ASH1L: variants seen among roughly 807,000 people sequenced by gnomAD.
The protein encoded by ASH1L is histone-lysine N-methyltransferase ASH1L.
A neutral mutation model predicts 269.0 loss-of-function variants in ASH1L; 23 were observed. That is an observed-to-expected ratio of 0.09 (90% CI 0.06 to 0.12). ASH1L has a LOEUF of 0.12. Among genes scored for constraint, ASH1L ranks in the 10% least tolerant of loss-of-function variants. ASH1L has a pLI of 1.00. For synonymous variants in ASH1L, 1,187 were observed against 1,253.5 expected (o/e 0.95, Z 1.12); for missense variants, 2,912 against 3,567.8 (o/e 0.82, Z 4.68).
intron 6 of ASH1L, among the ~76,000 whole-genome samples, chr1:155,402,479 T>C (rs1004271279): frequency 6.6e-5 from 10 of 152,222 alleles, no homozygotes; most frequent in African/African-American, 1.9e-4. Flanking sequence ...GGACATGTTA[T>C]TCTAGAGCTA....
intron 6 of ASH1L, among the ~76,000 whole-genome samples, chr1:155,403,955 C>T (rs1659057145): frequency 6.7e-6 from 1 of 150,180 alleles, no homozygotes; most frequent in Admixed American, 6.7e-5. Flanking sequence ...ACTCGGGAGG[C>T]TGAGGCAGGA....
rs1177221105 is a variant in ASH1L at position 155,343,794 on chromosome 1, C to A, written c.7982-52G>T. 3.1e-6 allele frequency: 5 copies of A among 1,597,674 alleles called. No individual in the cohort carries two copies. Among genetic ancestry groups the A allele is most frequent in the African/African-American group, 1.3e-5 (1 of 74,320 alleles). On this transcript the variant is annotated intron_variant, in intron 22 of 27. Coordinates refer to ENST00000392403, the MANE Select transcript of ASH1L (RefSeq NM_018489.3). The surrounding 1 kb of genome is among the most constrained non-coding windows in gnomAD (Gnocchi z 6.1). ...ACATAAAACAATTCTTGTATGAATT[C>A]TGTTAGGCATCTGTTTATCTGACTC...
chr1:155,374,076 C>G (rs1445969792), intron 10 of ASH1L, among the ~76,000 whole-genome samples: 1 of 152,158 alleles, frequency 6.6e-6, no homozygotes, highest in Non-Finnish European at 1.5e-5. Context: ...TGCCTGTAAT[C>G]CCAGCACTTT....
At chr1:155,384,618 G>A (rs1424901255) in intron 7 of ASH1L, among the ~76,000 whole-genome samples, 1 of 152,008 alleles carries the variant, frequency 6.6e-6, no homozygotes, top group Non-Finnish European at 1.5e-5. Context: ...GCTCAGGGTG[G>A]TCTCAAACTT....
rs1668891975 is a variant in ASH1L at position 155,521,582 on chromosome 1, A to G, written c.-63T>C. 1.4e-6 allele frequency: 2 copies of G among 1,472,914 alleles called. No homozygotes were observed. The highest frequency in any genetic ancestry group is 2.3e-5 in the East Asian group (1 of 44,050). 91.2% of individuals were successfully genotyped at this position (1,472,914 alleles called of 1,614,324 possible). On this transcript the variant is annotated 5_prime_UTR_variant, in exon 2 of 28. Transcript: ENST00000392403. The stretch of plus-strand genomic sequence containing the variant: ...TTTTACAGAACTGTGTTCCATAAAA[A>G]ACAAGGATCTCCAAAACTCGAAACC...
intron 2 of ASH1L, among the ~76,000 whole-genome samples, chr1:155,512,644 G>A (rs1668237707): frequency 6.6e-6 from 1 of 151,284 alleles, no homozygotes; most frequent in South Asian, 2.1e-4. Flanking sequence ...TAGAGATGGG[G>A]TTTCACCATA....
At position 155,481,798 on chromosome 1, in the gene ASH1L, T is replaced by C. The variant is rs948136035; in HGVS notation, c.1072A>G (p.Lys358Glu). The C allele has an allele frequency of 6.2e-7, 1 of 1,614,218 alleles. No individual in the cohort carries two copies. ...PGLVHKESGK[K>E]LGLGTVVGLV... ...CCAACCACAGTGCCAAGTCCTAACT[T>C]CTTGCCAGACTCTTTATGCACTAAA... is the stretch of plus-strand genomic sequence containing the variant. Residue 358 changes from lysine (K) to glutamate (E), a missense_variant, in exon 3 of 28, where the codon AAG (lysine) becomes GAG (glutamate). Lys to Glu is a moderately conservative substitution (Grantham distance 56, BLOSUM62 1). Transcript: ENST00000392403.
chr1:155,398,591 T>G (rs139606486), intron 6 of ASH1L, among the ~76,000 whole-genome samples: 1 of 152,236 alleles, frequency 6.6e-6, no homozygotes, highest in Non-Finnish European at 1.5e-5. Flanking sequence ...GGTGAGTCAG[T>G]GAGTGTGTGG....
At position 155,519,218 on chromosome 1, in the gene ASH1L, T is replaced by C. The variant is rs1396604920; in HGVS notation, c.420+1882A>G. On this transcript the variant is annotated intron_variant, in intron 2 of 27. Transcript: ENST00000392403. ...GGGAAGCAGAGGTGGGCGGATCACC[T>C]GAGGACAGGAGTTTGAGACCAGCCT... 2.6e-5 allele frequency among the ~76,000 whole-genome samples: 4 copies of C among 152,156 alleles called. No individual in the cohort carries two copies. The South Asian group carries it at 8.3e-4, about 31-fold the overall frequency.
rs1246923225 is a variant in ASH1L, at chr1:155,439,042, T to C, written c.5113A>G (p.Arg1705Gly). Residue 1705 changes from arginine to glycine, a missense_variant, in exon 5 of 28, where the codon AGA becomes GGA. Arg to Gly is a moderately radical substitution (Grantham distance 125). Transcript: ENST00000392403. ...GAGTCATCCCCAGAAGCAACTAATC[T>C]TGGACTTCGAGAGGGAACTCCGTTT... ...TVNGVPSRSP[R>G]LVASGDDSVD... 3 of 1,609,510 alleles carry C rather than the reference T, an allele frequency of 1.9e-6. No individual in the cohort carries two copies. The Admixed American group carries it at 5.1e-5, about 27-fold the overall frequency.
chr1:155,409,895 GT>G (rs1471201121), intron 6 of ASH1L, among the ~76,000 whole-genome samples: 1 of 152,068 alleles, frequency 6.6e-6, no homozygotes, highest in Non-Finnish European at 1.5e-5. Flanking sequence ...GCCAGGCGTG[GT>G]GGCTCAGACC....
At chr1:155,477,220 T>G (rs1335744409) in intron 3 of ASH1L, among the ~76,000 whole-genome samples, 1 of 152,148 alleles carries the variant, frequency 6.6e-6, no homozygotes, top group Non-Finnish European at 1.5e-5. Flanking sequence ...GGTGTATAAT[T>G]AAGAGAGAAA....
chr1:155,497,754 T>A (rs1324527960), intron 2 of ASH1L, among the ~76,000 whole-genome samples: 1 of 151,162 alleles, frequency 6.6e-6, no homozygotes, highest in African/African-American at 2.4e-5. Context: ...GAAAATTCTT[T>A]TTTTTTTTTT....
At chr1:155,477,653 G>A (rs1665657288) in intron 3 of ASH1L, among the ~76,000 whole-genome samples, 2 of 152,006 alleles carry the variant, frequency 1.3e-5, no homozygotes, top group South Asian at 2.1e-4. Flanking sequence ...CAAAAGTTAT[G>A]TATATTTCTT....
At chr1:155,406,787 C>T (rs970960916) in intron 6 of ASH1L, among the ~76,000 whole-genome samples, 15 of 152,076 alleles carry the variant, frequency 9.9e-5, no homozygotes, top group African/African-American at 1.4e-4. Flanking sequence ...ACAATAGTCA[C>T]GGTCAATAAG....
At chr1:155,391,195 C>T (rs930125732) in intron 7 of ASH1L, among the ~76,000 whole-genome samples, 6 of 152,182 alleles carry the variant, frequency 3.9e-5, no homozygotes, top group Non-Finnish European at 8.8e-5. Flanking sequence ...ATCCACCTGC[C>T]TCAGCCTCCC....
chr1:155,496,036 C>A (rs570266480), intron 2 of ASH1L, among the ~76,000 whole-genome samples: 1 of 152,090 alleles, frequency 6.6e-6, no homozygotes, highest in Middle Eastern at 3.4e-3. Context: ...AACAAATTAA[C>A]CTTAGCTTCC....
At chr1:155,433,368 GC>G in intron 5 of ASH1L, 1 of 1,595,294 alleles carries the variant, frequency 6.3e-7, no homozygotes, top group African/African-American at 1.3e-5. Context: ...ATTCCCCCAT[GC>G]CCCCCGCTGT....
In ASH1L at chr1:155,357,687, C is replaced by T; in HGVS notation, c.6858G>A (p.Val2286=). 6.2e-7 allele frequency: 1 copy of T among 1,614,134 alleles called. No individual in the cohort carries two copies. The highest frequency in any genetic ancestry group is 8.5e-7 in the Non-Finnish European group (1 of 1,180,028). The change falls in exon 14 of 28, where the codon GTG becomes GTA. Residue 2286 remains valine (V), a synonymous_variant. Coordinates refer to ENST00000392403, the MANE Select transcript of ASH1L (RefSeq NM_018489.3). Reference sequence around the variant, plus strand: ...TGTTTTTGCTGCTGGTGAGTCCATTCACACGCTGACTCTTGCCTCCGATGA... The same window carrying T: ...TGTTTTTGCTGCTGGTGAGTCCATTTACACGCTGACTCTTGCCTCCGATGA... ...RGIIGGKSQR[V]NGLTSSKNSQ... is the part of the protein sequence containing the mutation.
Sources: allele counts gnomAD v4.1 joint callset (sites outside exome capture counted in the v4.1 genomes callset), GRCh38; gene constraint gnomAD v4.1.1; non-coding constraint Gnocchi (gnomAD v3.1); transcripts MANE v1.5; gene names NCBI Gene and HGNC (gene_info 2026-07-23, HGNC 2026-07-21).